Variants in BOD1L1 observed in about 807,000 individuals in gnomAD.
BOD1L1 encodes the protein biorientation of chromosomes in cell division 1 like 1.
BOD1L1 carries 86 observed loss-of-function variants against 240.7 expected under a neutral mutation model. The observed-to-expected ratio is 0.36, with a 90% CI of 0.30 to 0.43. BOD1L1 has a LOEUF of 0.43. Among genes scored for constraint, BOD1L1 ranks in the 20% least tolerant of loss-of-function variants. The pLI, the probability that BOD1L1 is intolerant of heterozygous loss-of-function variation, is 1.00. For missense variants in BOD1L1, 3,554 were observed against 3,643.5 expected (o/e 0.98, Z 0.63); for synonymous variants, 1,268 against 1,272.3 (o/e 1.00, Z 0.07).
In BOD1L1 at chr4:13,604,252, A is replaced by G. The variant is rs1715479817; in HGVS notation, c.2648T>C (p.Met883Thr). 1.2e-6 allele frequency: 2 copies of G among 1,613,352 alleles called. No individual in the cohort carries two copies. The highest frequency in any genetic ancestry group is 1.7e-5 in the Admixed American group (1 of 59,916). Residue 883 changes from methionine to threonine, a missense_variant, in exon 10 of 26, where the codon ATG becomes ACG. By Grantham distance (81) the Met-to-Thr change is moderately conservative. This residue lies in a region of BOD1L1 where 3,393 missense variants were observed against 3,427.1 expected (regional missense o/e 0.99). Transcript: ENST00000040738. The part of the protein sequence containing the change: ...EDKCDMDSTN[M>T]DSNLKPEEVV... ...CTCTTCTGGTTTCAAATTACTATCC[A>G]TGTTAGTGGAGTCCATATCACACTT...
chr4:13,570,114 A>G lies in BOD1L1; in HGVS notation c.9053T>C (p.Leu3018Pro). ...RSEAQRSKTQ[L>P]SPSIKRKREV... is the part of the protein sequence containing the mutation. ...TCTCTTGCGCTTGATAGAAGGGGAG[A>G]GCTGTGTCTTTGATCTGCATTAAGC... The change falls in exon 26 of 26, where the codon CTC becomes CCC. Residue 3018 changes from leucine to proline, a missense_variant. Leu to Pro is a moderately conservative substitution (Grantham distance 98). Transcript: ENST00000040738. 4 of 1,595,792 alleles carry G rather than the reference A, an allele frequency of 2.5e-6. No individual in the cohort carries two copies. Among genetic ancestry groups the G allele is most frequent in the Non-Finnish European group, 3.4e-6 (4 of 1,173,004 alleles).
chr4:13,585,960 C>T (rs1262678483), intron 17 of BOD1L1, among the ~76,000 whole-genome samples: 1 of 152,192 alleles, frequency 6.6e-6, no homozygotes, highest in Non-Finnish European at 1.5e-5. Context: ...ATAAATTACC[C>T]AGTCTCAGGT....
chr4:13,603,948 T>A lies in BOD1L1; in HGVS notation c.2952A>T (p.Thr984=). 6.2e-7 allele frequency: 1 copy of A among 1,613,942 alleles called. No individual in the cohort carries two copies. Among genetic ancestry groups the A allele is most frequent in the Non-Finnish European group, 8.5e-7 (1 of 1,179,868 alleles). Reference sequence around the variant, plus strand: ...TGGCTCTATGACTAGAATCCTTCTGTGTACTATGTGCTGAAGAAGAAGCAG... The same window carrying A: ...TGGCTCTATGACTAGAATCCTTCTGAGTACTATGTGCTGAAGAAGAAGCAG... ...LETASSSAHS[T]QKDSSHRAKL... is the part of the protein sequence containing the mutation. The change falls in exon 10 of 26, where the codon ACA becomes ACT. Residue 984 remains threonine, a synonymous_variant. Coordinates refer to ENST00000040738, the MANE Select transcript of BOD1L1 (RefSeq NM_148894.3).
rs200966306 is a variant in BOD1L1 at position 13,579,993 on chromosome 4, C to T, written c.8704-20G>A. On this transcript the variant is annotated intron_variant, in intron 21 of 25. Coordinates refer to ENST00000040738, the MANE Select transcript of BOD1L1 (RefSeq NM_148894.3). ...TTCTACCTATGTTTAAATAAACAAA[C>T]AAAAAAAAATTTTAAATCAGCAGTT... 1 of 1,522,632 alleles carries T rather than the reference C, an allele frequency of 6.6e-7. No homozygotes were observed. Among genetic ancestry groups the T allele is most frequent in the African/African-American group, 1.4e-5 (1 of 71,746 alleles). 94.3% of individuals were successfully genotyped at this position (1,522,632 alleles called of 1,614,324 possible). A position where few individuals can be genotyped will look rare whatever the true frequency, so the allele number is the denominator to read the frequency against.
chr4:13,579,344 T>G (rs190843175), intron 22 of BOD1L1, among the ~76,000 whole-genome samples: 11 of 152,294 alleles, frequency 7.2e-5, no homozygotes, highest in Non-Finnish European at 1.3e-4. Flanking sequence ...TAAATGAACC[T>G]TAATTTACCA....
chr4:13,580,628 T>C (rs1362352560), intron 21 of BOD1L1, among the ~76,000 whole-genome samples: 1 of 152,200 alleles, frequency 6.6e-6, no homozygotes, highest in Non-Finnish European at 1.5e-5. Flanking sequence ...TTTCCTGCAC[T>C]GAACTCAGTG....
chr4:13,592,482 T>A (rs552048872), intron 12 of BOD1L1: 1 of 152,626 alleles, frequency 6.6e-6, no homozygotes, highest in Non-Finnish European at 1.5e-5. Flanking sequence ...CGTAAGTAGA[T>A]CTCTTACTGA....
In BOD1L1 at chr4:13,613,202, G is replaced by A. The variant is rs1201380814; in HGVS notation, c.1324+310C>T. The stretch of plus-strand genomic sequence containing the variant: ...AATTGAGGGCAGTGTTGTGGACTAC[G>A]CTGTCCCCAAATGTGACACACACAA... On this transcript the variant is annotated intron_variant, in intron 5 of 25. Coordinates refer to ENST00000040738, the MANE Select transcript of BOD1L1 (RefSeq NM_148894.3). The surrounding 1 kb of genome is among the most constrained non-coding windows in gnomAD (Gnocchi z 4.0). Among the ~76,000 whole-genome samples the A allele has an allele frequency of 1.3e-5, 2 of 152,106 alleles. No homozygotes were observed. Among genetic ancestry groups the A allele is most frequent in the Admixed American group, 6.5e-5 (1 of 15,268 alleles).
chr4:13,572,295 C>T (rs67917400), intron 25 of BOD1L1, among the ~76,000 whole-genome samples: 4,633 of 152,286 alleles, frequency 0.03, 114 homozygotes, highest in Non-Finnish European at 0.05. Context: ...AGCAGTAAGA[C>T]CAGTAAGGCT....
chr4:13,612,537 G>C (rs1171703530), intron 5 of BOD1L1, among the ~76,000 whole-genome samples: 1 of 152,156 alleles, frequency 6.6e-6, no homozygotes, highest in Non-Finnish European at 1.5e-5. Flanking sequence ...GACTATAGGA[G>C]TTATTACATG....
At position 13,587,857 on chromosome 4, in the gene BOD1L1, CT is replaced by C. The variant is rs1238543001; in HGVS notation, c.8281-87del. On this transcript the variant is annotated intron_variant, in intron 15 of 25. Coordinates refer to ENST00000040738, the MANE Select transcript of BOD1L1 (RefSeq NM_148894.3). ...GGAGCACACTGTACTAGATTCTAAC[CT>C]TTGGAATAAGTTGATATATAAATTT... 4.3e-6 allele frequency: 4 copies of C among 929,034 alleles called. No homozygotes were observed. In the African/African-American group the frequency reaches 6.7e-5, roughly 16 times the overall value. The allele number at this position is 929,034 out of a possible 1,614,324, so 57.5% of individuals were successfully genotyped here.
At position 13,598,791 on chromosome 4, in the gene BOD1L1, G is replaced by C. The variant is rs145943391; in HGVS notation, c.7954+155C>G. Among the ~76,000 whole-genome samples the C allele has an allele frequency of 7.0e-3, 1,066 of 152,244 alleles. 15 individuals carry two copies. Among genetic ancestry groups the C allele is most frequent in the African/African-American group, 0.023 (964 of 41,524 alleles). ...GAAGTTTGACCTTCAAGTTTGATGA[G>C]AGTTATTTTGCAACATTATGATATG... On this transcript the variant is annotated intron_variant, in intron 10 of 25. Transcript: ENST00000040738.
chr4:13,600,251 C>T lies in BOD1L1; in HGVS notation c.6649G>A (p.Ala2217Thr), dbSNP rs374751894. 4 of 1,613,892 alleles carry T rather than the reference C, an allele frequency of 2.5e-6. No homozygotes were observed. The African/African-American group carries it at 4.0e-5, about 16-fold the overall frequency. The change falls in exon 10 of 26, where the codon GCT becomes ACT. Residue 2217 changes from alanine to threonine, a missense_variant. Physicochemically the swap from Ala to Thr is moderately conservative, Grantham distance 58. This residue lies in a region of BOD1L1 where 3,393 missense variants were observed against 3,427.1 expected (regional missense o/e 0.99). Transcript: ENST00000040738. ...TCTGCTATGCTAGTGGAAATGAGAG[C>T]ACATTCATCCTTCTCCTCCTTGCTG... is the stretch of plus-strand genomic sequence containing the variant. ...STSKEEKDEC[A>T]LISTSIAEEC...
At chr4:13,624,724 T>C (rs1717268350) in intron 1 of BOD1L1, 1 of 152,242 alleles carries the variant, frequency 6.6e-6, no homozygotes, top group African/African-American at 2.4e-5. Flanking sequence ...CAGCAGACTT[T>C]GGTACTTCTC....
chr4:13,577,303 A>G (rs931426017), intron 24 of BOD1L1, 100 bp downstream of exon 24: 2 of 927,120 alleles, frequency 2.2e-6, no homozygotes, highest in Non-Finnish European at 3.2e-6. Flanking sequence ...TAATATTAAT[A>G]TTAGCTGTAC....
intron 17 of BOD1L1, among the ~76,000 whole-genome samples, chr4:13,584,441 AGTGTGTGTGTGT>A (rs36096107): frequency 0.022 from 2,917 of 134,906 alleles, 98 homozygotes; most frequent in African/African-American, 0.076. Context: ...AGAGAGAGAG[AGTGTGTGTGTGT>A]GTGTGTGTGT....
intron 1 of BOD1L1, among the ~76,000 whole-genome samples, chr4:13,621,766 C>T (rs1717055470): frequency 6.6e-6 from 1 of 152,114 alleles, no homozygotes; most frequent in Non-Finnish European, 1.5e-5. Flanking sequence ...TTCATCAGTT[C>T]CAATTTTCAG....
chr4:13,592,198 T>C (rs1714272697), intron 12 of BOD1L1: 2 of 475,382 alleles, frequency 4.2e-6, no homozygotes, highest in African/African-American at 2.0e-5. Flanking sequence ...CTGCATTTTT[T>C]ATAATAACGG....
chr4:13,573,293 T>C (rs1423992552), intron 25 of BOD1L1, among the ~76,000 whole-genome samples: 2 of 152,120 alleles, frequency 1.3e-5, no homozygotes, highest in East Asian at 1.9e-4. Flanking sequence ...TTAGCTGGTG[T>C]ATTTTTCAAT....
Sources: allele counts gnomAD v4.1 joint callset (sites outside exome capture counted in the v4.1 genomes callset), GRCh38; gene constraint gnomAD v4.1.1; regional missense constraint gnomAD v4.1.1; non-coding constraint Gnocchi (gnomAD v3.1); transcripts MANE v1.5; gene names NCBI Gene and HGNC (gene_info 2026-07-23, HGNC 2026-07-21).